The following LRMDA variants were observed in gnomAD, a reference collection of about 807,000 sequenced individuals.
LRMDA encodes leucine-rich melanocyte differentiation-associated protein.
A neutral mutation model predicts 29.8 loss-of-function variants in LRMDA; 18 were observed. The observed-to-expected ratio is 0.60, with a 90% confidence interval of 0.42 to 0.90. The LOEUF (loss-of-function observed/expected upper bound fraction) is 0.90. LRMDA is among the 40% of genes least tolerant of loss of function. LRMDA has a pLI of 0.00. For synonymous variants in LRMDA, 125 were observed against 109.4 expected, an observed-to-expected ratio of 1.14 and a Z score of -0.89; for missense variants, 273 against 273.9, an observed-to-expected ratio of 1.00 and a Z score of 0.02.
At chr10:75,626,964 C>T (rs3001910) in intron 2 of LRMDA, among the ~76,000 whole-genome samples, 114,311 of 152,158 alleles carry the variant, frequency 0.75, 43,003 homozygotes, top group East Asian at 0.79. Context: ...GCTGTGCTGT[C>T]CCTTGAGCTG....
At chr10:75,878,329 T>C (rs1022572902) in intron 2 of LRMDA, among the ~76,000 whole-genome samples, 3 of 147,250 alleles carry the variant, frequency 2.0e-5, no homozygotes, top group African/African-American at 5.2e-5. Flanking sequence ...CAAAGTTTTA[T>C]TGAGTGGTAG....
chr10:75,773,852 T>C (rs1843274765), intron 2 of LRMDA, among the ~76,000 whole-genome samples: 1 of 152,250 alleles, frequency 6.6e-6, no homozygotes, highest in Non-Finnish European at 1.5e-5. Context: ...TCACATTACT[T>C]ACCAGAGCTT....
At chr10:76,354,533 A>G (rs1233019969) in intron 6 of LRMDA, among the ~76,000 whole-genome samples, 2 of 152,172 alleles carry the variant, frequency 1.3e-5, no homozygotes, top group Admixed American at 1.3e-4. Context: ...TTGCTGAAAT[A>G]CAATCTTCTG....
At chr10:76,017,524 C>T (rs1847897951) in intron 2 of LRMDA, among the ~76,000 whole-genome samples, 2 of 152,218 alleles carry the variant, frequency 1.3e-5, no homozygotes, top group South Asian at 4.1e-4. Flanking sequence ...TTTGAGTCTG[C>T]TACACCTCAT....
At chr10:76,505,132 T>C (rs1259913212) in intron 6 of LRMDA, among the ~76,000 whole-genome samples, 1 of 151,736 alleles carries the variant, frequency 6.6e-6, no homozygotes, top group African/African-American at 2.4e-5. Context: ...GGAAACAGGC[T>C]CCCTATGTCT....
At chr10:76,053,032 T>G (rs1271860217) in intron 4 of LRMDA, among the ~76,000 whole-genome samples, 1 of 152,112 alleles carries the variant, frequency 6.6e-6, no homozygotes, top group Non-Finnish European at 1.5e-5. Flanking sequence ...TAGACGGGGG[T>G]TTCTGCCATA....
intron 2 of LRMDA, among the ~76,000 whole-genome samples, chr10:75,656,300 G>T (rs1184454629): frequency 6.6e-6 from 1 of 152,120 alleles, no homozygotes; most frequent in African/African-American, 2.4e-5. Context: ...CTGCTTTCTG[G>T]CTGTGTGACC....
chr10:76,009,993 C>G (rs1046396310), intron 2 of LRMDA, among the ~76,000 whole-genome samples: 10 of 152,166 alleles, frequency 6.6e-5, no homozygotes, highest in South Asian at 2.1e-4. Context: ...CCCTCTCCCC[C>G]ACCCGCCTTC....
At chr10:76,523,019 C>T (rs1034286707) in intron 6 of LRMDA, among the ~76,000 whole-genome samples, 1 of 152,082 alleles carries the variant, frequency 6.6e-6, no homozygotes, top group Non-Finnish European at 1.5e-5. Flanking sequence ...AAAAGAGTTG[C>T]TGCCTTGTAC....
chr10:75,435,047 C>A (rs931267244), intron 1 of LRMDA, among the ~76,000 whole-genome samples: 51 of 152,148 alleles, frequency 3.4e-4, no homozygotes, highest in African/African-American at 1.1e-3. Flanking sequence ...TTTCATTTGC[C>A]TGGTAATGGT....
chr10:75,993,663 G>A (rs1847409638), intron 2 of LRMDA, among the ~76,000 whole-genome samples: 2 of 151,898 alleles, frequency 1.3e-5, no homozygotes, highest in African/African-American at 4.8e-5. Flanking sequence ...AACCCAGGAG[G>A]CAGAGGTTCC....
intron 5 of LRMDA, among the ~76,000 whole-genome samples, chr10:76,196,826 C>T (rs570178100): frequency 1.3e-5 from 2 of 152,276 alleles, no homozygotes; most frequent in South Asian, 2.1e-4. Flanking sequence ...ATGATCTTGC[C>T]GTATTTCAAC....
chr10:76,277,425 C>A (rs966363324), intron 5 of LRMDA, among the ~76,000 whole-genome samples: 11 of 152,214 alleles, frequency 7.2e-5, no homozygotes, highest in African/African-American at 2.7e-4. Flanking sequence ...ATGCAAGAGG[C>A]AGGCTCACAT....
chr10:75,480,733 G>A (rs1307120993), intron 2 of LRMDA, among the ~76,000 whole-genome samples: 1 of 152,228 alleles, frequency 6.6e-6, no homozygotes, highest in African/African-American at 2.4e-5. Flanking sequence ...TGTGGTTGTT[G>A]TGGAGAGAAT....
intron 6 of LRMDA, among the ~76,000 whole-genome samples, chr10:76,531,571 TATAA>T (rs1843234326): frequency 6.6e-6 from 1 of 152,190 alleles, no homozygotes; most frequent in Non-Finnish European, 1.5e-5. Flanking sequence ...AATTGGTTGA[TATAA>T]ATATATCAGT....
intron 2 of LRMDA, among the ~76,000 whole-genome samples, chr10:76,006,295 T>C (rs1353403420): frequency 6.6e-6 from 1 of 152,034 alleles, no homozygotes; most frequent in East Asian, 1.9e-4. Flanking sequence ...GAGTGAGGGT[T>C]TGAACTGAGT....
At chr10:76,129,370 G>C (rs944021115) in intron 5 of LRMDA, among the ~76,000 whole-genome samples, 1 of 152,168 alleles carries the variant, frequency 6.6e-6, no homozygotes, top group Non-Finnish European at 1.5e-5. Flanking sequence ...TGGCCAGGCT[G>C]TTGCCCAAAT....
chr10:76,145,844 C>G (rs1850305943), intron 5 of LRMDA, among the ~76,000 whole-genome samples: 1 of 151,086 alleles, frequency 6.6e-6, no homozygotes, highest in African/African-American at 2.4e-5. Context: ...ATAAATTTCC[C>G]TCTACACACT....
At chr10:76,377,303 T>A (rs1230203345) in intron 6 of LRMDA, among the ~76,000 whole-genome samples, 2 of 152,228 alleles carry the variant, frequency 1.3e-5, no homozygotes, top group African/African-American at 4.8e-5. Flanking sequence ...TATTAGCCCT[T>A]TGTTGGATGC....
Sources: allele counts gnomAD v4.1 joint callset (sites outside exome capture counted in the v4.1 genomes callset), GRCh38; gene constraint gnomAD v4.1.1; transcripts MANE v1.5; gene names NCBI Gene and HGNC (gene_info 2026-07-23, HGNC 2026-07-21).